CEP70: variants seen among roughly 807,000 people sequenced by gnomAD.
The protein encoded by CEP70 is centrosomal protein 70.
A neutral mutation model predicts 90.9 loss-of-function variants in CEP70; 70 were observed. The ratio of observed to expected loss-of-function variants is 0.77; its 90% CI spans 0.64 to 0.94. The LOEUF is 0.94. Ranked by LOEUF, CEP70 falls within the 40% of genes least tolerant of loss-of-function variation. The probability of loss-of-function intolerance (pLI) is 0.00; values close to 1 mark genes in which losing one functional copy is unlikely to be tolerated. For missense variants in CEP70, 648 were observed against 669.0 expected, an observed-to-expected ratio of 0.97 and a Z score of 0.35; for synonymous variants, 220 against 228.3, an observed-to-expected ratio of 0.96 and a Z score of 0.33.
chr3:138,564,391 C>CA (rs1391642451), intron 6 of CEP70, among the ~76,000 whole-genome samples: 3 of 152,090 alleles, frequency 2.0e-5, no homozygotes, highest in African/African-American at 4.8e-5. Flanking sequence ...AGAGACACAA[C>CA]AAAAACAGAA....
chr3:138,525,079 C>G (rs1224881147), intron 11 of CEP70, among the ~76,000 whole-genome samples: 3 of 152,132 alleles, frequency 2.0e-5, no homozygotes, highest in African/African-American at 7.2e-5. Flanking sequence ...GAATACTATG[C>G]AGCCATAAAA....
rs962445023 is a variant in CEP70 at position 138,571,017 on chromosome 3, C to A, written c.284+17G>T. The A allele has an allele frequency of 5.9e-6, 9 of 1,517,954 alleles. No homozygotes were observed. Among genetic ancestry groups the A allele is most frequent in the Non-Finnish European group, 6.2e-6 (7 of 1,134,988 alleles). 94.0% of individuals were successfully genotyped at this position (1,517,954 alleles called of 1,614,324 possible). On this transcript the variant is annotated intron_variant, in intron 5 of 17. Transcript: ENST00000264982. ...CGCATACAAACAATTCAAAAGAAAT[C>A]TTTTCCATTTTCTCACCTAAGCTGT...
At chr3:138,578,421 A>C (rs943396203) in intron 2 of CEP70, among the ~76,000 whole-genome samples, 1 of 152,230 alleles carries the variant, frequency 6.6e-6, no homozygotes, top group African/African-American at 2.4e-5. Context: ...AACATGAAAC[A>C]GGAAGTGAAA....
intron 6 of CEP70, among the ~76,000 whole-genome samples, chr3:138,548,889 T>A (rs1306714648): frequency 6.6e-6 from 1 of 152,136 alleles, no homozygotes; most frequent in Non-Finnish European, 1.5e-5. Flanking sequence ...ATGCCCAAGC[T>A]ATGAAAGTAG....
At chr3:138,522,046 T>C (rs980977513) in intron 11 of CEP70, among the ~76,000 whole-genome samples, 1 of 152,096 alleles carries the variant, frequency 6.6e-6, no homozygotes, top group African/African-American at 2.4e-5. Context: ...TTAAGGGCGG[T>C]GCAAGATGTG....
intron 11 of CEP70, among the ~76,000 whole-genome samples, chr3:138,522,986 G>C (rs2036823590): frequency 1.3e-5 from 2 of 152,128 alleles, no homozygotes; most frequent in African/African-American, 4.8e-5. Context: ...TAAAATACTG[G>C]CAAATGGAAT....
intron 2 of CEP70, among the ~76,000 whole-genome samples, chr3:138,580,305 C>T (rs907624828): frequency 6.6e-6 from 1 of 152,142 alleles, no homozygotes; most frequent in African/African-American, 2.4e-5. Context: ...CCCCCAATTC[C>T]AGGCAGCTCA....
At chr3:138,508,736 A>T (rs866667650) in intron 11 of CEP70, among the ~76,000 whole-genome samples, 192 bp from the exon 12 acceptor site, 1,639 of 144,388 alleles carry the variant, frequency 0.011, 12 homozygotes, top group Middle Eastern at 0.033. Context: ...GTTAAAAAAA[A>T]TTTTTTTTTT....
intron 6 of CEP70, among the ~76,000 whole-genome samples, chr3:138,554,629 AC>A (rs1001132237): frequency 1.4e-4 from 22 of 152,222 alleles, no homozygotes; most frequent in Admixed American, 2.6e-4. Context: ...GTTTCAGGAT[AC>A]AAAATTAATG....
intron 11 of CEP70, among the ~76,000 whole-genome samples, chr3:138,518,028 A>G (rs2036215989): frequency 6.6e-6 from 1 of 152,224 alleles, no homozygotes. Context: ...GCACACCAGG[A>G]GATTATATCC....
chr3:138,510,251 TA>T (rs60383710), intron 11 of CEP70, among the ~76,000 whole-genome samples: 299 of 136,290 alleles, frequency 2.2e-3, no homozygotes, highest in Admixed American at 2.7e-3. Flanking sequence ...CCCTGTCTAC[TA>T]AAAAAAAAAA....
intron 11 of CEP70, among the ~76,000 whole-genome samples, chr3:138,516,572 G>A (rs112470102): frequency 4.1e-4 from 63 of 152,258 alleles, no homozygotes; most frequent in African/African-American, 1.5e-3. Flanking sequence ...TCTTTGTAGA[G>A]ACAAGGACTC....
intron 11 of CEP70, among the ~76,000 whole-genome samples, chr3:138,520,975 G>A (rs2036562140): frequency 6.6e-6 from 1 of 152,156 alleles, no homozygotes; most frequent in Admixed American, 6.5e-5. Context: ...CGCCTGACTG[G>A]TTTTTGTATT....
In CEP70 at chr3:138,494,966, C is replaced by T; in HGVS notation, c.*49G>A. The T allele has an allele frequency of 9.6e-7, 1 of 1,044,170 alleles. No individual in the cohort carries two copies. The highest frequency in any genetic ancestry group is 1.5e-6 in the Non-Finnish European group (1 of 685,310). The allele number at this position is 1,044,170 out of a possible 1,614,324, so 64.7% of individuals were successfully genotyped here. ...AAAATAAGATCAATCCTACAAAATACAAAATGTTAAGAATACAATTTACAC... is the reference window on the plus strand; with the variant it reads ...AAAATAAGATCAATCCTACAAAATATAAAATGTTAAGAATACAATTTACAC... On this transcript the variant is annotated 3_prime_UTR_variant, in exon 18 of 18. Transcript: ENST00000264982.
intron 11 of CEP70, among the ~76,000 whole-genome samples, chr3:138,518,920 G>A (rs1001234300): frequency 6.6e-6 from 1 of 152,060 alleles, no homozygotes; most frequent in Non-Finnish European, 1.5e-5. Flanking sequence ...AGGCAAAGAA[G>A]TTAAAAACCT....
chr3:138,505,853 C>T (rs2034939725), intron 12 of CEP70, among the ~76,000 whole-genome samples: 1 of 152,078 alleles, frequency 6.6e-6, no homozygotes. Flanking sequence ...TTGGATGAGG[C>T]CCACCCCATT....
intron 1 of CEP70, 141 bp from the exon 2 acceptor site, chr3:138,592,097 T>C: frequency 1.2e-5 from 6 of 505,976 alleles, no homozygotes; most frequent in Non-Finnish European, 2.1e-5. Flanking sequence ...TAACTGCTAA[T>C]GGCCTTCCCA....
chr3:138,525,408 T>TAAAATA (rs576844099), intron 11 of CEP70, 82 bp downstream of exon 11: 22 of 471,958 alleles, frequency 4.7e-5, no homozygotes, highest in African/African-American at 3.1e-4. Context: ...TAAAGTATAA[T>TAAAATA]AAAATAAAAA....
In CEP70 at chr3:138,543,307, G is replaced by A. The variant is rs997788983; in HGVS notation, c.466-5960C>T. On this transcript the variant is annotated intron_variant, in intron 6 of 17. Transcript: ENST00000264982. ...ACCTCCCAGCCTCCCTTCTGCGCTC[G>A]TCGGCATCCAAAGTCTTGGGGGAAC... Among the ~76,000 whole-genome samples, 14 of 152,170 alleles carry A rather than the reference G, an allele frequency of 9.2e-5. No individual in the cohort carries two copies. In the East Asian group the frequency reaches 2.3e-3, roughly 25 times the overall value.
Sources: allele counts gnomAD v4.1 joint callset (sites outside exome capture counted in the v4.1 genomes callset), GRCh38; gene constraint gnomAD v4.1.1; transcripts MANE v1.5; gene names NCBI Gene and HGNC (gene_info 2026-07-23, HGNC 2026-07-21).